Variants in SNRNP70 observed in about 807,000 individuals in gnomAD.
The protein encoded by SNRNP70 is small nuclear ribonucleoprotein U1 subunit 70.
Under a neutral mutation model 50.5 loss-of-function variants are expected in SNRNP70, and 8 were observed. That is an observed-to-expected ratio of 0.16 (90% CI 0.09 to 0.29). The LOEUF (loss-of-function observed/expected upper bound fraction) is 0.29, where lower values mean the gene tolerates loss of function less well. Ranked by LOEUF, SNRNP70 falls within the 10% of genes least tolerant of loss-of-function variation. SNRNP70 has a pLI of 1.00. For synonymous variants in SNRNP70, 320 were observed against 252.9 expected, an observed-to-expected ratio of 1.27 and a Z score of -2.52; for missense variants, 529 against 663.5, an observed-to-expected ratio of 0.80 and a Z score of 2.23.
At chr19:49,087,454 CT>C (rs1052056699) in intron 2 of SNRNP70, among the ~76,000 whole-genome samples, 1 of 152,180 alleles carries the variant, frequency 6.6e-6, no homozygotes, top group East Asian at 1.9e-4. Context: ...CTTTGTTACT[CT>C]GTTTACTACT....
At chr19:49,105,458 T>A (rs2040654016) in intron 8 of SNRNP70, among the ~76,000 whole-genome samples, 1 of 151,952 alleles carries the variant, frequency 6.6e-6, no homozygotes, top group Non-Finnish European at 1.5e-5. Context: ...AGGCCAGGCG[T>A]GGTGGCTCGC....
At position 49,104,781 on chromosome 19, in the gene SNRNP70, G is replaced by A. The variant is rs1040159943; in HGVS notation, c.577+46G>A. ...ACGGGCTCTCGGGGGCCCTGGGCCTGGTGGCCTTGTTCTCCCTTCTCTGCT... is the reference window on the plus strand; with the variant it reads ...ACGGGCTCTCGGGGGCCCTGGGCCTAGTGGCCTTGTTCTCCCTTCTCTGCT... On this transcript the variant is annotated intron_variant, in intron 8 of 9. Transcript: ENST00000598441. This position sits in a 1 kb window ranked among gnomAD's most constrained non-coding sequence, Gnocchi z 5.4. The A allele has an allele frequency of 2.3e-6, 3 of 1,296,802 alleles. No homozygotes were observed. Among genetic ancestry groups the A allele is most frequent in the South Asian group, 2.8e-5 (2 of 71,028 alleles). 80.3% of individuals were successfully genotyped at this position (1,296,802 alleles called of 1,614,324 possible).
chr19:49,089,324 C>T (rs964072985), intron 2 of SNRNP70, among the ~76,000 whole-genome samples: 5 of 152,100 alleles, frequency 3.3e-5, no homozygotes, highest in South Asian at 4.2e-4. Flanking sequence ...ACCGCTTGAA[C>T]GATTCTAGTC....
At chr19:49,097,805 C>T (rs913895226) in intron 4 of SNRNP70, among the ~76,000 whole-genome samples, 10 of 152,224 alleles carry the variant, frequency 6.6e-5, no homozygotes, top group Admixed American at 6.5e-4. Flanking sequence ...CAGTTTGCCT[C>T]ACAGTAGTGA....
In SNRNP70 at chr19:49,101,336, T is replaced by G. The variant is rs529288962; in HGVS notation, c.394-54T>G. On this transcript the variant is annotated intron_variant, in intron 6 of 9. Transcript: ENST00000598441. ...GGTGTGCAGGCTGTTGTGGGGTTGGTGGGGCGGAGCCGCCCTGTGGCAGGA... is the reference window on the plus strand; with the variant it reads ...GGTGTGCAGGCTGTTGTGGGGTTGGGGGGGCGGAGCCGCCCTGTGGCAGGA... 1.3e-5 allele frequency: 18 copies of G among 1,384,818 alleles called. No individual in the cohort carries two copies. The African/African-American group carries it at 2.1e-4, about 16-fold the overall frequency. 85.8% of individuals were successfully genotyped at this position (1,384,818 alleles called of 1,614,324 possible). A position where few individuals can be genotyped will look rare whatever the true frequency, so the allele number is the denominator to read the frequency against.
chr19:49,094,325 C>G (rs967457197), intron 4 of SNRNP70, among the ~76,000 whole-genome samples: 2 of 151,970 alleles, frequency 1.3e-5, no homozygotes, highest in Admixed American at 6.6e-5. Flanking sequence ...ATGGTGAAAC[C>G]CTGTCTCAAC....
In SNRNP70 at chr19:49,086,410, G is replaced by C; in HGVS notation, c.-5G>C. 2 of 1,612,038 alleles carry C rather than the reference G, an allele frequency of 1.2e-6. No homozygotes were observed. The highest frequency in any genetic ancestry group is 1.7e-6 in the Non-Finnish European group (2 of 1,178,838). Reference sequence around the variant, plus strand: ...TGTCCTGCTTCTGCTCTCAGACTTGGCAAGATGACCCAGTTCCTGCCGCCC... The same window carrying C: ...TGTCCTGCTTCTGCTCTCAGACTTGCCAAGATGACCCAGTTCCTGCCGCCC... On this transcript the variant is annotated 5_prime_UTR_variant, in exon 2 of 10. Coordinates refer to ENST00000598441, the MANE Select transcript of SNRNP70 (RefSeq NM_003089.6).
chr19:49,093,320 A>G (rs1315728632), intron 4 of SNRNP70, among the ~76,000 whole-genome samples: 2 of 151,834 alleles, frequency 1.3e-5, no homozygotes, highest in African/African-American at 4.8e-5. Flanking sequence ...TCCCGACCTC[A>G]GGTGATCTGC....
At chr19:49,098,335 C>G in intron 4 of SNRNP70, 92 bp from the exon 5 acceptor site, 2 of 1,056,738 alleles carry the variant, frequency 1.9e-6, no homozygotes, top group Non-Finnish European at 1.4e-6. Flanking sequence ...CCAATGCCAC[C>G]GTTTTCTTCT....
chr19:49,101,335 G>A, intron 6 of SNRNP70, 55 bp from the exon 7 acceptor site: 1 of 1,375,816 alleles, frequency 7.3e-7, no homozygotes, highest in South Asian at 1.2e-5. Context: ...TGTGGGGTTG[G>A]TGGGGCGGAG....
rs1027647314 is a variant in SNRNP70 at position 49,104,863 on chromosome 19, G to A, written c.577+128G>A. 44 of 597,140 alleles carry A rather than the reference G, an allele frequency of 7.4e-5. No individual in the cohort carries two copies. The highest frequency in any genetic ancestry group is 6.8e-4 in the African/African-American group (36 of 52,772). 37.0% of individuals were successfully genotyped at this position (597,140 alleles called of 1,614,324 possible). ...CCTCTCCCATCGCGTCCTCATCTCC[G>A]GCTTCTCTCTCTTGTGGCCATCACA... On this transcript the variant is annotated intron_variant, in intron 8 of 9. Coordinates refer to ENST00000598441, the MANE Select transcript of SNRNP70 (RefSeq NM_003089.6). This position sits in a 1 kb window ranked among gnomAD's most constrained non-coding sequence, Gnocchi z 5.4.
intron 8 of SNRNP70, among the ~76,000 whole-genome samples, chr19:49,106,207 T>TA (rs1277700610): frequency 1.3e-5 from 2 of 152,180 alleles, no homozygotes; most frequent in African/African-American, 2.4e-5. Context: ...AGTGGGTTCT[T>TA]ATAGCTCTGC....
intron 6 of SNRNP70, among the ~76,000 whole-genome samples, chr19:49,099,611 C>T (rs942435618): frequency 7.9e-5 from 12 of 151,226 alleles, no homozygotes; most frequent in Admixed American, 2.6e-4. Flanking sequence ...TGATAGCGGG[C>T]GCCCGTAATC....
At chr19:49,086,690 A>G in intron 2 of SNRNP70, 129 bp downstream of exon 2, 2 of 860,266 alleles carry the variant, frequency 2.3e-6, no homozygotes, top group African/African-American at 1.7e-5. Flanking sequence ...TGTGATCCTC[A>G]GTTTCTCTGT....
rs2040381773 is a variant in SNRNP70, at chr19:49,086,511, C to T, written c.97C>T (p.His33Tyr). ...CCTGGAGAAACTGCCACATGAAAAACACCACAATCAACCTTATTGTGGCAT... is the reference window on the plus strand; with the variant it reads ...CCTGGAGAAACTGCCACATGAAAAATACCACAATCAACCTTATTGTGGCAT... ...PPLEKLPHEKHHNQPYCGIAP... is the reference protein window; with the variant it reads ...PPLEKLPHEKYHNQPYCGIAP... The change falls in exon 2 of 10, where the codon CAC becomes TAC. Residue 33 changes from histidine (H) to tyrosine (Y), a missense_variant. By Grantham distance (83) the His-to-Tyr change is moderately conservative (BLOSUM62 2). Transcript: ENST00000598441. 1 of 1,614,104 alleles carries T rather than the reference C, an allele frequency of 6.2e-7. No individual in the cohort carries two copies. Among genetic ancestry groups the T allele is most frequent in the African/African-American group, 1.3e-5 (1 of 75,026 alleles).
Position 49,108,073 on chromosome 19 carries a change from A to G in SNRNP70, c.944A>G (p.Asp315Gly). ...GAGGAGCTGCGTGGCGGCGGTGGCG[A>G]CATGGCGGAGCCCTCCGAGGCGGGT... ...RKEELRGGGG[D>G]MAEPSEAGDA... Residue 315 changes from aspartate to glycine, a missense_variant, in exon 10 of 10, where the codon GAC becomes GGC. Around this residue, in one of 4 missense-constraint regions of SNRNP70, gnomAD observed 327 missense variants for 308.8 expected, o/e 1.06. Transcript: ENST00000598441. 1.9e-6 allele frequency: 3 copies of G among 1,553,972 alleles called. No individual in the cohort carries two copies. Among genetic ancestry groups the G allele is most frequent in the Non-Finnish European group, 2.6e-6 (3 of 1,150,060 alleles).
At chr19:49,105,131 G>C (rs542302010) in intron 8 of SNRNP70, among the ~76,000 whole-genome samples, 1 of 152,076 alleles carries the variant, frequency 6.6e-6, no homozygotes, top group Non-Finnish European at 1.5e-5. Context: ...TGCTTCTGCT[G>C]CTTGCTGTTG....
At chr19:49,099,028 A>G (rs1423548499) in intron 6 of SNRNP70, among the ~76,000 whole-genome samples, 2 of 152,240 alleles carry the variant, frequency 1.3e-5, no homozygotes, top group African/African-American at 4.8e-5. Context: ...TTGTTGCAAC[A>G]GTATACGGCC....
Position 49,108,531 on chromosome 19 carries a change from G to A in SNRNP70, c.*88G>A. ...CCCTCCCCCAACCTTGGCCACTTGA[G>A]TTTGTCCTCCAAGGGTAGGTGTCTC... On this transcript the variant is annotated 3_prime_UTR_variant, in exon 10 of 10. Coordinates refer to ENST00000598441, the MANE Select transcript of SNRNP70 (RefSeq NM_003089.6). 6.7e-7 allele frequency: 1 copy of A among 1,490,832 alleles called. No individual in the cohort carries two copies. The highest frequency in any genetic ancestry group is 9.0e-7 in the Non-Finnish European group (1 of 1,112,620). The allele number at this position is 1,490,832 out of a possible 1,614,324, so 92.4% of individuals were successfully genotyped here. A position where few individuals can be genotyped will look rare whatever the true frequency, so the allele number is the denominator to read the frequency against.
Sources: gnomAD v4.1 joint callset for allele counts (sites outside exome capture counted in the v4.1 genomes callset) on GRCh38, gnomAD v4.1.1 for gene constraint, gnomAD v4.1.1 regional missense constraint, Gnocchi (gnomAD v3.1) non-coding constraint, MANE v1.5 for transcripts, NCBI Gene and HGNC (gene_info 2026-07-23, HGNC 2026-07-21) for gene names.